Variants in UBE2K observed in about 807,000 individuals in gnomAD.
The protein encoded by UBE2K is ubiquitin conjugating enzyme E2 K.
In UBE2K, 6 loss-of-function variants were observed where a neutral mutation model predicts 30.0. That is an observed-to-expected ratio of 0.20 (90% CI 0.11 to 0.39). The LOEUF (loss-of-function observed/expected upper bound fraction) is 0.39, where lower values mean the gene tolerates loss of function less well. Among genes scored for constraint, UBE2K ranks in the 10% least tolerant of loss-of-function variants. The pLI is 1.00. For missense variants in UBE2K, 61 were observed against 241.6 expected, an observed-to-expected ratio of 0.25 and a Z score of 4.96; for synonymous variants, 86 against 83.7, an observed-to-expected ratio of 1.03 and a Z score of -0.15.
At chr4:39,769,967 T>TC (rs1712655878) in intron 4 of UBE2K, 1 of 732,820 alleles carries the variant, frequency 1.4e-6, no homozygotes. Flanking sequence ...CTGCTCAGCC[T>TC]CCCACTCTTA....
At chr4:39,766,853 G>A (rs908709353) in intron 4 of UBE2K, among the ~76,000 whole-genome samples, 1 of 152,052 alleles carries the variant, frequency 6.6e-6, no homozygotes, top group African/African-American at 2.4e-5. Context: ...GGGTGTTCAA[G>A]CAGTTCTCCT....
chr4:39,756,215 T>A (rs1016419847), intron 4 of UBE2K, among the ~76,000 whole-genome samples: 1 of 152,194 alleles, frequency 6.6e-6, no homozygotes, highest in African/African-American at 2.4e-5. Flanking sequence ...GTGCTTTCAC[T>A]TTTTTTGTCT....
At chr4:39,740,693 T>C (rs925678705) in intron 2 of UBE2K, among the ~76,000 whole-genome samples, 2 of 145,752 alleles carry the variant, frequency 1.4e-5, no homozygotes, top group African/African-American at 5.1e-5. Flanking sequence ...AAACCCCGTC[T>C]CTACTAAAAA....
At chr4:39,714,266 G>T in intron 1 of UBE2K, 1 of 197,542 alleles carries the variant, frequency 5.1e-6, no homozygotes. Context: ...GTTCTGCTGT[G>T]CTTTGTCCAA....
chr4:39,743,049 A>G (rs868241946), intron 2 of UBE2K, among the ~76,000 whole-genome samples: 1 of 151,870 alleles, frequency 6.6e-6, no homozygotes, highest in Non-Finnish European at 1.5e-5. Flanking sequence ...GTCTCAGGAA[A>G]AAAAAAAAAA....
chr4:39,711,256 G>A lies in UBE2K; in HGVS notation c.63+12866G>A, dbSNP rs1382825164. ...CGGCTCACTGCAAGCTCTGCCTCCC[G>A]GGGTCATGCCATTCTCCTGCCTCAG... On this transcript the variant is annotated intron_variant, in intron 1 of 6. Coordinates refer to ENST00000261427, the MANE Select transcript of UBE2K (RefSeq NM_005339.5). 2.7e-5 allele frequency among the ~76,000 whole-genome samples: 4 copies of A among 145,702 alleles called. 1 individual carries two copies. The highest frequency in any genetic ancestry group is 6.9e-5 in the Admixed American group (1 of 14,392).
At chr4:39,713,829 C>G (rs1353548270) in intron 1 of UBE2K, 1 of 151,652 alleles carries the variant, frequency 6.6e-6, no homozygotes, top group Non-Finnish European at 1.5e-5. Context: ...AGTATACTTT[C>G]TTCATTTTTG....
intron 1 of UBE2K, among the ~76,000 whole-genome samples, chr4:39,729,314 G>A (rs564934104): frequency 1.3e-5 from 2 of 152,042 alleles, no homozygotes; most frequent in South Asian, 4.2e-4. Context: ...TCCTGAACCC[G>A]AGACCTGAAT....
At chr4:39,757,018 G>GTTTTTTTTT (rs1227834116) in intron 4 of UBE2K, among the ~76,000 whole-genome samples, 3 of 72,092 alleles carry the variant, frequency 4.2e-5, no homozygotes, top group African/African-American at 5.5e-5. Flanking sequence ...TTTGTTTTTT[G>GTTTTTTTTT]TTTTTTGTTT....
At chr4:39,748,085 T>A (rs1025049697) in intron 3 of UBE2K, among the ~76,000 whole-genome samples, 1 of 152,214 alleles carries the variant, frequency 6.6e-6, no homozygotes, top group Admixed American at 6.5e-5. Context: ...AGTGGGTGAA[T>A]TATGTCTCAG....
intron 6 of UBE2K, 82 bp from the exon 7 acceptor site, chr4:39,778,278 C>G (rs1713397662): frequency 3.7e-6 from 3 of 809,898 alleles, no homozygotes; most frequent in Non-Finnish European, 5.8e-6. Flanking sequence ...GGTGTTAATT[C>G]CCAGTATAAA....
intron 3 of UBE2K, among the ~76,000 whole-genome samples, chr4:39,750,383 A>G (rs1461092053): frequency 1.3e-5 from 2 of 152,158 alleles, no homozygotes; most frequent in Non-Finnish European, 2.9e-5. Context: ...TGCTATGCCA[A>G]TATTGATAAT....
chr4:39,737,786 C>T (rs1355862905), intron 2 of UBE2K, among the ~76,000 whole-genome samples: 1 of 152,152 alleles, frequency 6.6e-6, no homozygotes. Flanking sequence ...AAAGATCTGG[C>T]ATGGTAAACC....
intron 3 of UBE2K, among the ~76,000 whole-genome samples, chr4:39,751,962 G>C (rs1465400572): frequency 6.6e-6 from 1 of 152,146 alleles, no homozygotes; most frequent in African/African-American, 2.4e-5. Context: ...GTGAGACTCT[G>C]TCTCAATAAA....
intron 4 of UBE2K, chr4:39,771,081 G>C: frequency 1.9e-6 from 3 of 1,612,558 alleles, no homozygotes; most frequent in Non-Finnish European, 2.5e-6. Context: ...GGGCATTCTG[G>C]CATTTCTCCA....
chr4:39,767,761 A>G (rs182237546), intron 4 of UBE2K, among the ~76,000 whole-genome samples: 23 of 152,302 alleles, frequency 1.5e-4, no homozygotes, highest in African/African-American at 5.5e-4. Context: ...TCAAATTAAA[A>G]TAAATATTAT....
chr4:39,775,521 G>A (rs1182769853), intron 5 of UBE2K, among the ~76,000 whole-genome samples: 3 of 152,194 alleles, frequency 2.0e-5, no homozygotes, highest in African/African-American at 7.2e-5. Flanking sequence ...AGGCTGAGGT[G>A]GGTGGTGGAT....
chr4:39,710,270 T>TGATA (rs1304838549), intron 1 of UBE2K: 1 of 151,036 alleles, frequency 6.6e-6, no homozygotes, highest in Non-Finnish European at 1.5e-5. Context: ...ATTGATTGAT[T>TGATA]GATTGATTGA....
At chr4:39,758,770 A>T (rs1400445230) in intron 4 of UBE2K, among the ~76,000 whole-genome samples, 1 of 152,142 alleles carries the variant, frequency 6.6e-6, no homozygotes, top group East Asian at 1.9e-4. Context: ...CAGTACTATT[A>T]CTTGTAATTA....
Sources: gnomAD v4.1 joint callset for allele counts (sites outside exome capture counted in the v4.1 genomes callset) on GRCh38, gnomAD v4.1.1 for gene constraint, MANE v1.5 for transcripts, NCBI Gene and HGNC (gene_info 2026-07-23, HGNC 2026-07-21) for gene names.